Variants in RALGPS2 observed in about 807,000 individuals in gnomAD.
The protein encoded by RALGPS2 is Ral GEF with PH domain and SH3 binding motif 2.
Under a neutral mutation model 86.8 loss-of-function variants are expected in RALGPS2, and 43 were observed. The ratio of observed to expected loss-of-function variants is 0.50; its 90% CI spans 0.39 to 0.64. The LOEUF (loss-of-function observed/expected upper bound fraction) is 0.64, where lower values mean the gene tolerates loss of function less well. Among genes scored for constraint, RALGPS2 ranks in the 30% least tolerant of loss-of-function variants. The pLI is 0.00. For missense variants in RALGPS2, 536 were observed against 694.6 expected, an observed-to-expected ratio of 0.77 and a Z score of 2.57; for synonymous variants, 243 against 231.3, an observed-to-expected ratio of 1.05 and a Z score of -0.46.
chr1:178,865,837 A>G, intron 8 of RALGPS2: 4 of 1,292,486 alleles, frequency 3.1e-6, no homozygotes, highest in Non-Finnish European at 4.2e-6. Flanking sequence ...GAGAAAAAGC[A>G]AAAAGAATTC....
chr1:178,851,766 A>C (rs1209573498), intron 8 of RALGPS2, among the ~76,000 whole-genome samples: 1 of 152,168 alleles, frequency 6.6e-6, no homozygotes. Context: ...GTTATGGTCT[A>C]TCTCTCCTCT....
At chr1:178,888,666 A>T (rs772093645) in intron 13 of RALGPS2, among the ~76,000 whole-genome samples, 1 of 152,200 alleles carries the variant, frequency 6.6e-6, no homozygotes, top group Non-Finnish European at 1.5e-5. Context: ...TCTGAACCAT[A>T]CAATACAGAA....
At chr1:178,830,826 T>C (rs561969074) in intron 7 of RALGPS2, among the ~76,000 whole-genome samples, 2 of 152,092 alleles carry the variant, frequency 1.3e-5, no homozygotes, top group East Asian at 1.9e-4. Context: ...GGGCGGAAGA[T>C]ATGTGCAACA....
chr1:178,799,361 G>T (rs140643681), intron 4 of RALGPS2, among the ~76,000 whole-genome samples: 1 of 151,420 alleles, frequency 6.6e-6, no homozygotes, highest in South Asian at 2.1e-4. Context: ...AGATGAAAGT[G>T]TCCTACTCTG....
intron 1 of RALGPS2, among the ~76,000 whole-genome samples, chr1:178,773,490 G>A (rs1369632804): frequency 6.6e-6 from 1 of 152,188 alleles, no homozygotes; most frequent in African/African-American, 2.4e-5. Flanking sequence ...GGTCTTTGAA[G>A]GACGTACTAA....
chr1:178,880,841 G>T (rs189737903), intron 10 of RALGPS2, among the ~76,000 whole-genome samples: 5 of 152,132 alleles, frequency 3.3e-5, no homozygotes, highest in Non-Finnish European at 5.9e-5. Flanking sequence ...ATTTATTAAA[G>T]CTAGTTTTTA....
intron 13 of RALGPS2, among the ~76,000 whole-genome samples, chr1:178,889,386 T>C (rs566548849): frequency 6.6e-6 from 1 of 152,188 alleles, no homozygotes; most frequent in Admixed American, 6.5e-5. Flanking sequence ...ATAATGAATT[T>C]CAGCTACAAA....
intron 1 of RALGPS2, among the ~76,000 whole-genome samples, chr1:178,755,182 A>G (rs1459504008): frequency 6.6e-6 from 1 of 151,054 alleles, no homozygotes; most frequent in African/African-American, 2.4e-5. Flanking sequence ...TTTTTCTTTT[A>G]TAATTTCAGT....
At chr1:178,813,587 G>C (rs376257025) in intron 6 of RALGPS2, among the ~76,000 whole-genome samples, 2 of 152,218 alleles carry the variant, frequency 1.3e-5, no homozygotes, top group African/African-American at 4.8e-5. Flanking sequence ...AGATAGAACC[G>C]TAGCATTCTG....
intron 13 of RALGPS2, among the ~76,000 whole-genome samples, chr1:178,888,217 T>G (rs1435254355): frequency 1.3e-5 from 2 of 152,214 alleles, no homozygotes; most frequent in African/African-American, 4.8e-5. Context: ...GTTTGTAAAC[T>G]AAGAACATTA....
chr1:178,889,593 T>C, intron 13 of RALGPS2, 49 bp from the exon 14 acceptor site: 7 of 1,222,506 alleles, frequency 5.7e-6, no homozygotes, highest in Non-Finnish European at 8.4e-6. Context: ...AAATGCAAAC[T>C]AGAGAGGTAA....
At chr1:178,912,768 T>C (rs961701847) in intron 19 of RALGPS2, among the ~76,000 whole-genome samples, 5 of 152,210 alleles carry the variant, frequency 3.3e-5, no homozygotes, top group Admixed American at 2.6e-4. Context: ...TCCTCAAATA[T>C]GTTTTCCAAG....
intron 1 of RALGPS2, among the ~76,000 whole-genome samples, chr1:178,735,542 G>A (rs1650634209): frequency 6.7e-6 from 1 of 148,468 alleles, no homozygotes; most frequent in East Asian, 2.0e-4. Context: ...TCCTGCCTCA[G>A]CCTCCCAAGT....
chr1:178,726,557 C>T (rs914696493), intron 1 of RALGPS2, among the ~76,000 whole-genome samples: 3 of 151,824 alleles, frequency 2.0e-5, no homozygotes, highest in African/African-American at 7.3e-5. Context: ...AAAAAAAACC[C>T]CAAAAGAAAT....
intron 6 of RALGPS2, among the ~76,000 whole-genome samples, chr1:178,815,255 ATTTTT>A (rs112464719): frequency 3.4e-5 from 5 of 146,126 alleles, no homozygotes; most frequent in Non-Finnish European, 6.1e-5. Flanking sequence ...TAATTTTTGT[ATTTTT>A]TTTTTAGTAG....
chr1:178,808,420 A>G (rs1654835847), intron 5 of RALGPS2, among the ~76,000 whole-genome samples: 1 of 152,018 alleles, frequency 6.6e-6, no homozygotes, highest in South Asian at 2.1e-4. Flanking sequence ...GATTCTCTTC[A>G]GATGTGTTTT....
At chr1:178,773,009 G>A (rs867268440) in intron 1 of RALGPS2, among the ~76,000 whole-genome samples, 6 of 152,244 alleles carry the variant, frequency 3.9e-5, no homozygotes, top group Non-Finnish European at 4.4e-5. Context: ...CACCATGTTG[G>A]CCGGCTGGTC....
intron 4 of RALGPS2, among the ~76,000 whole-genome samples, chr1:178,802,204 T>C (rs747932186): frequency 5.0e-5 from 7 of 139,132 alleles, no homozygotes; most frequent in Non-Finnish European, 1.2e-4. Flanking sequence ...TTATATAATA[T>C]ATTCTTAAAG....
chr1:178,906,407 A>G (rs1425975429), intron 18 of RALGPS2, among the ~76,000 whole-genome samples: 1 of 152,140 alleles, frequency 6.6e-6, no homozygotes, highest in East Asian at 1.9e-4. Flanking sequence ...TAGATCATCT[A>G]AGTAGTAAGT....
Sources: allele counts gnomAD v4.1 joint callset (sites outside exome capture counted in the v4.1 genomes callset), GRCh38; gene constraint gnomAD v4.1.1; transcripts MANE v1.5; gene names NCBI Gene and HGNC (gene_info 2026-07-23, HGNC 2026-07-21).